Variants in ENTREP2 observed in about 807,000 individuals in gnomAD.
The protein encoded by ENTREP2 is protein ENTREP2.
At chr15:29,260,289 T>C in the ENTREP2 span, among the ~76,000 whole-genome samples, 8 of 152,250 alleles carry the variant, frequency 5.3e-5, no homozygotes, top group South Asian at 4.1e-4. Context: ...AAGTAAACCA[T>C]AGACTAACAT....
chr15:29,401,829 T>G, the ENTREP2 span, among the ~76,000 whole-genome samples: 15,349 of 152,272 alleles, frequency 0.1, 1,027 homozygotes, highest in Middle Eastern at 0.18. Flanking sequence ...TTTATGCCAC[T>G]GTGGAATGAT....
the ENTREP2 span, among the ~76,000 whole-genome samples, chr15:29,139,818 G>C: frequency 6.6e-6 from 1 of 152,202 alleles, no homozygotes; most frequent in Non-Finnish European, 1.5e-5. Flanking sequence ...AGTGGCGCTT[G>C]ACGTCTCCCC....
At chr15:29,607,825 T>TAGATAGATAGATAGACAGAC in the ENTREP2 span, among the ~76,000 whole-genome samples, 63 of 84,904 alleles carry the variant, frequency 7.4e-4, no homozygotes, top group African/African-American at 4.5e-3. Context: ...GATAGATAGA[T>TAGATAGATAGATAGACAGAC]AGACAGACAG....
chr15:29,351,762 G>A, the ENTREP2 span, among the ~76,000 whole-genome samples: 6 of 152,008 alleles, frequency 3.9e-5, no homozygotes, highest in East Asian at 1.2e-3. Flanking sequence ...TCCCATCTCA[G>A]CCTCCCAAGT....
At chr15:29,269,352 G>A in the ENTREP2 span, 3 of 1,614,200 alleles carry the variant, frequency 1.9e-6, no homozygotes, top group South Asian at 3.3e-5. Context: ...TGTCCTTGTA[G>A]TCCCCGATGA....
chr15:29,423,317 C>T, the ENTREP2 span, among the ~76,000 whole-genome samples: 1 of 151,878 alleles, frequency 6.6e-6, no homozygotes, highest in Non-Finnish European at 1.5e-5. Context: ...GGTTTTTTTC[C>T]TTCACAATGA....
At chr15:29,248,515 T>C in the ENTREP2 span, among the ~76,000 whole-genome samples, 1 of 151,918 alleles carries the variant, frequency 6.6e-6, no homozygotes, top group African/African-American at 2.4e-5. Context: ...AATCTATAAC[T>C]GAGTACAGAA....
the ENTREP2 span, among the ~76,000 whole-genome samples, chr15:29,377,802 C>T: frequency 1.4e-5 from 2 of 143,722 alleles, no homozygotes; most frequent in Non-Finnish European, 3.0e-5. Context: ...GCCTGGGCAA[C>T]AGAGTGAGAC....
At chr15:29,121,008 G>A in the ENTREP2 span, 2 of 152,322 alleles carry the variant, frequency 1.3e-5, no homozygotes, top group Non-Finnish European at 2.9e-5. Flanking sequence ...CCTGAGCAGC[G>A]GGGCTGATGG....
the ENTREP2 span, among the ~76,000 whole-genome samples, chr15:29,422,978 G>A: frequency 6.6e-6 from 1 of 152,206 alleles, no homozygotes; most frequent in Admixed American, 6.5e-5. Flanking sequence ...AGGTGAGTGT[G>A]TCTTTAATGT....
the ENTREP2 span, among the ~76,000 whole-genome samples, chr15:29,279,510 G>A: frequency 2.0e-5 from 3 of 151,832 alleles, no homozygotes; most frequent in African/African-American, 7.3e-5. Context: ...GACTACATGC[G>A]CACGCCACCA....
At chr15:29,384,034 G>A in the ENTREP2 span, among the ~76,000 whole-genome samples, 2 of 152,102 alleles carry the variant, frequency 1.3e-5, no homozygotes, top group South Asian at 4.1e-4. Flanking sequence ...CAGGGGCTGT[G>A]TCTCACTAAC....
At chr15:29,156,486 C>A in the ENTREP2 span, among the ~76,000 whole-genome samples, 1 of 152,138 alleles carries the variant, frequency 6.6e-6, no homozygotes, top group Non-Finnish European at 1.5e-5. Flanking sequence ...CGGTGCCTAG[C>A]CCATGCAACC....
At chr15:29,151,857 C>T in the ENTREP2 span, 2 of 1,539,918 alleles carry the variant, frequency 1.3e-6, no homozygotes, top group South Asian at 1.2e-5. Context: ...AGGAAAGGTG[C>T]AGGAGAATGT....
chr15:29,601,115 T>C, the ENTREP2 span, among the ~76,000 whole-genome samples: 2 of 151,764 alleles, frequency 1.3e-5, no homozygotes, highest in African/African-American at 4.9e-5. Context: ...GCCAGGATGG[T>C]CTCGATCTCC....
chr15:29,309,038 C>T, the ENTREP2 span, among the ~76,000 whole-genome samples: 1 of 152,166 alleles, frequency 6.6e-6, no homozygotes, highest in African/African-American at 2.4e-5. Flanking sequence ...GTCTTCATTT[C>T]CTTATGAGGG....
At chr15:29,155,230 C>T in the ENTREP2 span, among the ~76,000 whole-genome samples, 74 of 150,584 alleles carry the variant, frequency 4.9e-4, no homozygotes, top group South Asian at 6.3e-3. Context: ...TGCAGTGAGC[C>T]AAGATCGCGC....
the ENTREP2 span, among the ~76,000 whole-genome samples, chr15:29,278,048 AAG>A: frequency 1.3e-5 from 2 of 152,258 alleles, no homozygotes; most frequent in Non-Finnish European, 2.9e-5. Context: ...AACAACCATA[AAG>A]AGAGAAACAG....
chr15:29,621,935 A>G, the ENTREP2 span, among the ~76,000 whole-genome samples: 6 of 152,218 alleles, frequency 3.9e-5, no homozygotes, highest in African/African-American at 1.4e-4. Context: ...TGAGGACAAC[A>G]TTTCTACTAA....
Sources: gnomAD v4.1 joint callset for allele counts (sites outside exome capture counted in the v4.1 genomes callset) on GRCh38, gnomAD v4.1.1 for gene constraint, MANE v1.5 for transcripts, NCBI Gene and HGNC (gene_info 2026-07-23, HGNC 2026-07-21) for gene names.